AGBL4: variants seen among roughly 807,000 people sequenced by gnomAD.
The protein encoded by AGBL4 is AGBL carboxypeptidase 4, also known as cytosolic carboxypeptidase 6.
A neutral mutation model predicts 66.4 loss-of-function variants in AGBL4; 58 were observed. The ratio of observed to expected loss-of-function variants is 0.87; its 90% CI spans 0.71 to 1.09. The LOEUF is 1.09. Ranked by LOEUF, AGBL4 falls within the 50% of genes least tolerant of loss-of-function variation. The pLI, the probability that AGBL4 is intolerant of heterozygous loss-of-function variation, is 0.00. For synonymous variants in AGBL4, 234 were observed against 222.9 expected, an observed-to-expected ratio of 1.05 and a Z score of -0.44; for missense variants, 579 against 631.0, an observed-to-expected ratio of 0.92 and a Z score of 0.88.
At chr1:49,106,187 C>T (rs1007920223) in intron 4 of AGBL4, among the ~76,000 whole-genome samples, 1 of 152,146 alleles carries the variant, frequency 6.6e-6, no homozygotes, top group Admixed American at 6.5e-5. Context: ...CCAGATATAT[C>T]CATAACGGGC....
At chr1:49,948,551 ATAAATATAT>A (rs1655749882) in intron 1 of AGBL4, among the ~76,000 whole-genome samples, 1 of 123,300 alleles carries the variant, frequency 8.1e-6, no homozygotes, top group Non-Finnish European at 1.7e-5. Context: ...ATAAATATAT[ATAAATATAT>A]AAAAATATAT....
intron 1 of AGBL4, among the ~76,000 whole-genome samples, chr1:49,920,214 G>T (rs1441360563): frequency 1.3e-5 from 2 of 152,130 alleles, no homozygotes; most frequent in Non-Finnish European, 2.9e-5. Context: ...AAAAGCAATG[G>T]CAACAAAAGC....
At chr1:49,411,455 G>A (rs746946906) in intron 3 of AGBL4, among the ~76,000 whole-genome samples, 4 of 152,122 alleles carry the variant, frequency 2.6e-5, no homozygotes, top group Non-Finnish European at 4.4e-5. Flanking sequence ...TAGACACACC[G>A]GGAAACAATA....
intron 2 of AGBL4, among the ~76,000 whole-genome samples, chr1:49,744,957 A>G (rs1650867780): frequency 6.6e-6 from 1 of 152,070 alleles, no homozygotes; most frequent in Admixed American, 6.6e-5. Flanking sequence ...ATGGTACACT[A>G]GACTGTTTCT....
intron 6 of AGBL4, among the ~76,000 whole-genome samples, chr1:48,700,057 G>A (rs566806214): frequency 6.6e-6 from 1 of 152,110 alleles, no homozygotes; most frequent in African/African-American, 2.4e-5. Context: ...GGGATCATAG[G>A]CATGAGCCAC....
intron 6 of AGBL4, among the ~76,000 whole-genome samples, chr1:48,774,155 A>T (rs1436912028): frequency 1.3e-5 from 2 of 152,248 alleles, no homozygotes; most frequent in Admixed American, 1.3e-4. Flanking sequence ...AGAGAGATTA[A>T]TTAATCAATT....
chr1:49,218,443 A>T (rs1295940189), intron 4 of AGBL4, among the ~76,000 whole-genome samples: 1 of 152,164 alleles, frequency 6.6e-6, no homozygotes, highest in East Asian at 1.9e-4. Flanking sequence ...AGAGTAGTGA[A>T]TGTAAGACTG....
intron 3 of AGBL4, among the ~76,000 whole-genome samples, chr1:49,477,687 G>GA (rs1185246169): frequency 6.6e-6 from 1 of 151,944 alleles, no homozygotes; most frequent in Admixed American, 6.6e-5. Flanking sequence ...ATACCATCTA[G>GA]AAAAACATGA....
chr1:49,783,264 C>T (rs1030963458), intron 2 of AGBL4, among the ~76,000 whole-genome samples: 1 of 152,074 alleles, frequency 6.6e-6, no homozygotes, highest in African/African-American at 2.4e-5. Context: ...AGATCAATAT[C>T]TTTTATCAAT....
At chr1:48,699,648 AC>A (rs1435694854) in intron 6 of AGBL4, among the ~76,000 whole-genome samples, 2 of 152,154 alleles carry the variant, frequency 1.3e-5, no homozygotes, top group East Asian at 3.9e-4. Context: ...TGGCTCTCTT[AC>A]CTTTTGTTGG....
At chr1:48,742,725 G>A (rs377372975) in intron 6 of AGBL4, 42 of 1,609,002 alleles carry the variant, frequency 2.6e-5, no homozygotes, top group Admixed American at 1.3e-4. Context: ...ACTCCGGCTC[G>A]GGCTCGAGAC....
At chr1:49,674,215 G>A (rs1646536107) in intron 3 of AGBL4, among the ~76,000 whole-genome samples, 1 of 152,030 alleles carries the variant, frequency 6.6e-6, no homozygotes, top group South Asian at 2.1e-4. Flanking sequence ...AGCCTTGGAA[G>A]GTCCTGAGAT....
At chr1:49,830,651 C>T (rs1046063756) in intron 2 of AGBL4, among the ~76,000 whole-genome samples, 4 of 152,054 alleles carry the variant, frequency 2.6e-5, no homozygotes, top group Non-Finnish European at 5.9e-5. Context: ...GTTGCCATTG[C>T]TTTTGGTGTT....
intron 1 of AGBL4, among the ~76,000 whole-genome samples, chr1:50,013,470 C>A (rs1162591369): frequency 6.6e-6 from 1 of 152,126 alleles, no homozygotes; most frequent in Non-Finnish European, 1.5e-5. Flanking sequence ...AAATTAAAGA[C>A]CCCACAATTT....
chr1:49,235,723 A>G (rs886391695), intron 4 of AGBL4, among the ~76,000 whole-genome samples: 3 of 152,202 alleles, frequency 2.0e-5, no homozygotes, highest in Admixed American at 6.5e-5. Flanking sequence ...ATAGAAGAGG[A>G]TGGCCTACAT....
intron 3 of AGBL4, among the ~76,000 whole-genome samples, chr1:49,480,250 CCAA>C (rs950699225): frequency 2.0e-5 from 3 of 152,080 alleles, no homozygotes; most frequent in African/African-American, 7.2e-5. Context: ...TACACTCCCA[CCAA>C]CAACATGAAA....
chr1:49,729,701 G>A (rs892041667), intron 2 of AGBL4, among the ~76,000 whole-genome samples: 1 of 152,090 alleles, frequency 6.6e-6, no homozygotes, highest in Non-Finnish European at 1.5e-5. Flanking sequence ...ATATATTTGA[G>A]GGAAGTCTGA....
chr1:49,736,663 A>G (rs1274685898), intron 2 of AGBL4, among the ~76,000 whole-genome samples: 1 of 152,192 alleles, frequency 6.6e-6, no homozygotes, highest in Non-Finnish European at 1.5e-5. Flanking sequence ...TAAAAGAGAC[A>G]AGTGGGACCT....
At chr1:49,227,130 C>A (rs1430772419) in intron 4 of AGBL4, among the ~76,000 whole-genome samples, 1 of 152,190 alleles carries the variant, frequency 6.6e-6, no homozygotes, top group East Asian at 1.9e-4. Flanking sequence ...AACATTCAGA[C>A]CATAGAATAT....
Sources: allele counts gnomAD v4.1 joint callset (sites outside exome capture counted in the v4.1 genomes callset), GRCh38; gene constraint gnomAD v4.1.1; transcripts MANE v1.5; gene names NCBI Gene and HGNC (gene_info 2026-07-23, HGNC 2026-07-21).